CNTNAP2: variants seen among roughly 807,000 people sequenced by gnomAD.
The protein encoded by CNTNAP2 is contactin-associated protein-like 2.
Under a neutral mutation model 155.2 loss-of-function variants are expected in CNTNAP2, and 98 were observed. The observed-to-expected ratio is 0.63, with a 90% CI of 0.54 to 0.75. The LOEUF (loss-of-function observed/expected upper bound fraction) is 0.75, where lower values mean the gene tolerates loss of function less well. CNTNAP2 is among the 30% of genes least tolerant of loss of function. The pLI is 0.00. For synonymous variants in CNTNAP2, 651 were observed against 631.2 expected (o/e 1.03, Z -0.47); for missense variants, 1,727 against 1,688.1 (o/e 1.02, Z -0.40).
chr7:146,351,670 C>T (rs1235384066), intron 1 of CNTNAP2, among the ~76,000 whole-genome samples: 1 of 152,162 alleles, frequency 6.6e-6, no homozygotes, highest in South Asian at 2.1e-4. Context: ...GATACAAAAA[C>T]TCAGTTCCTG....
chr7:147,608,368 G>T (rs1801113392), intron 12 of CNTNAP2, among the ~76,000 whole-genome samples: 1 of 137,966 alleles, frequency 7.2e-6, no homozygotes, highest in South Asian at 2.4e-4. Context: ...TACTTTTATT[G>T]TTTTACCTGT....
At chr7:148,045,509 G>A (rs750796353) in intron 15 of CNTNAP2, among the ~76,000 whole-genome samples, 18 of 152,152 alleles carry the variant, frequency 1.2e-4, no homozygotes, top group African/African-American at 3.6e-4. Flanking sequence ...TGGATTGACC[G>A]CCTTGAGGAG....
chr7:146,887,436 C>T (rs986861697), intron 3 of CNTNAP2, among the ~76,000 whole-genome samples: 19 of 151,972 alleles, frequency 1.3e-4, no homozygotes, highest in African/African-American at 3.6e-4. Flanking sequence ...GCCGAGGCAG[C>T]GGATCACCTG....
intron 1 of CNTNAP2, among the ~76,000 whole-genome samples, chr7:146,310,397 G>C (rs961919506): frequency 7.9e-5 from 12 of 152,090 alleles, no homozygotes; most frequent in African/African-American, 2.9e-4. Context: ...TGATTCCTCA[G>C]TTGTTTTTAA....
chr7:147,192,131 T>G lies in CNTNAP2; in HGVS notation c.1348+59622T>G, dbSNP rs142868419. 3.8e-3 allele frequency among the ~76,000 whole-genome samples: 584 copies of G among 152,344 alleles called. 5 individuals are homozygous for G. The highest frequency in any genetic ancestry group is 0.013 in the African/African-American group (556 of 41,590). Reference sequence around the variant, plus strand: ...AGAAAATTGAAGTAAAATAGTCATTTGGTCTCAGCAAGACTCTCAACACCA... The same window carrying G: ...AGAAAATTGAAGTAAAATAGTCATTGGGTCTCAGCAAGACTCTCAACACCA... On this transcript the variant is annotated intron_variant, in intron 8 of 23. Transcript: ENST00000361727.
At chr7:147,354,974 C>T (rs570728813) in intron 9 of CNTNAP2, among the ~76,000 whole-genome samples, 15 of 152,132 alleles carry the variant, frequency 9.9e-5, no homozygotes, top group African/African-American at 3.6e-4. Flanking sequence ...TGTGATTTTG[C>T]ACACTGATTT....
intron 18 of CNTNAP2, among the ~76,000 whole-genome samples, chr7:148,195,682 A>G (rs995903930): frequency 7.2e-5 from 11 of 152,220 alleles, no homozygotes; most frequent in Admixed American, 6.5e-4. Context: ...GAAATACACA[A>G]TGATAGGATA....
chr7:146,781,056 G>A (rs1802477436), intron 2 of CNTNAP2, among the ~76,000 whole-genome samples: 3 of 151,992 alleles, frequency 2.0e-5, no homozygotes, highest in South Asian at 2.1e-4. Flanking sequence ...GTGAAATCCC[G>A]TCTCTACTAA....
At chr7:147,977,576 G>A (rs769742251) in intron 14 of CNTNAP2, among the ~76,000 whole-genome samples, 1 of 152,102 alleles carries the variant, frequency 6.6e-6, no homozygotes, top group East Asian at 1.9e-4. Flanking sequence ...ACATGCTGTG[G>A]TGTACTCTCT....
chr7:146,967,718 A>G (rs896616845), intron 3 of CNTNAP2, among the ~76,000 whole-genome samples: 40 of 152,316 alleles, frequency 2.6e-4, no homozygotes, highest in African/African-American at 1.9e-4. Context: ...GGCTGAGACA[A>G]TGGGGTTTTC....
intron 10 of CNTNAP2, among the ~76,000 whole-genome samples, chr7:147,414,137 T>C (rs1002751860): frequency 6.6e-6 from 1 of 152,144 alleles, no homozygotes; most frequent in Non-Finnish European, 1.5e-5. Context: ...TGTCTATGCA[T>C]AGAAAGGCTG....
chr7:146,844,452 A>T (rs1025219238), intron 3 of CNTNAP2, among the ~76,000 whole-genome samples: 9 of 151,970 alleles, frequency 5.9e-5, no homozygotes, highest in Non-Finnish European at 1.3e-4. Context: ...TACTCCACCA[A>T]CTCTAATTTG....
At chr7:146,773,280 T>C (rs1466500064) in intron 1 of CNTNAP2, among the ~76,000 whole-genome samples, 1 of 152,238 alleles carries the variant, frequency 6.6e-6, no homozygotes, top group Non-Finnish European at 1.5e-5. Flanking sequence ...ATTGAGGTAT[T>C]GCCTGGTTTC....
chr7:146,835,543 T>C (rs1803600309), intron 2 of CNTNAP2, among the ~76,000 whole-genome samples: 1 of 152,046 alleles, frequency 6.6e-6, no homozygotes, highest in South Asian at 2.1e-4. Context: ...CTAGGTAAAA[T>C]AGGAAGATGA....
chr7:148,410,437 C>T (rs6953370), intron 23 of CNTNAP2, among the ~76,000 whole-genome samples: 86,699 of 151,136 alleles, frequency 0.57, 25,504 homozygotes, highest in African/African-American at 0.66. Flanking sequence ...CGTGGTGGCG[C>T]ATTCCTGTAA....
At chr7:146,322,520 T>C (rs915132567) in intron 1 of CNTNAP2, among the ~76,000 whole-genome samples, 1 of 151,986 alleles carries the variant, frequency 6.6e-6, no homozygotes, top group Non-Finnish European at 1.5e-5. Context: ...CATTCATAGG[T>C]GCAGTCTCAG....
chr7:147,456,380 A>G (rs1016988352), intron 10 of CNTNAP2, among the ~76,000 whole-genome samples: 1 of 152,312 alleles, frequency 6.6e-6, no homozygotes, highest in South Asian at 2.1e-4. Flanking sequence ...GAAAGAGAGA[A>G]TTTAAGAAGA....
chr7:148,061,878 TATAG>T (rs199822052), intron 15 of CNTNAP2, among the ~76,000 whole-genome samples: 15,516 of 111,912 alleles, frequency 0.14, 1,211 homozygotes, highest in Non-Finnish European at 0.17. Flanking sequence ...GATAAACAGA[TATAG>T]ATAGATAGAT....
At chr7:147,593,261 C>T (rs1235167214) in intron 12 of CNTNAP2, among the ~76,000 whole-genome samples, 2 of 145,458 alleles carry the variant, frequency 1.4e-5, no homozygotes, top group African/African-American at 5.2e-5. Context: ...AATAGTAGAA[C>T]TGTGGAGGTT....
Sources: gnomAD v4.1 joint callset for allele counts (sites outside exome capture counted in the v4.1 genomes callset) on GRCh38, gnomAD v4.1.1 for gene constraint, MANE v1.5 for transcripts, NCBI Gene and HGNC (gene_info 2026-07-23, HGNC 2026-07-21) for gene names.